Variants in MLXIPL observed in about 807,000 individuals in gnomAD.
MLXIPL encodes carbohydrate-responsive element-binding protein.
In MLXIPL, 49 loss-of-function variants were observed where a neutral mutation model predicts 81.5. The ratio of observed to expected loss-of-function variants is 0.60; its 90% CI spans 0.48 to 0.76. The LOEUF (loss-of-function observed/expected upper bound fraction) is 0.76. MLXIPL is among the 30% of genes least tolerant of loss of function. The probability of loss-of-function intolerance (pLI) is 0.00; values close to 1 mark genes in which losing one functional copy is unlikely to be tolerated. For synonymous variants in MLXIPL, 466 were observed against 485.5 expected, an observed-to-expected ratio of 0.96 and a Z score of 0.53; for missense variants, 1,053 against 1,167.0, an observed-to-expected ratio of 0.90 and a Z score of 1.42.
chr7:73,647,831 G>A, the MLXIPL span, among the ~76,000 whole-genome samples: 4 of 150,916 alleles, frequency 2.7e-5, no homozygotes, highest in African/African-American at 7.3e-5. Flanking sequence ...GGCGGCGGGC[G>A]GCGGGGGCGC....
At chr7:73,606,441 T>G (rs1416573598) in intron 5 of MLXIPL, 14 of 410,830 alleles carry the variant, frequency 3.4e-5, no homozygotes, top group Non-Finnish European at 5.7e-5. Flanking sequence ...TTTTTTTTTT[T>G]TGGAGACGGA....
the MLXIPL span, among the ~76,000 whole-genome samples, chr7:73,647,260 T>C: frequency 2.0e-5 from 3 of 152,136 alleles, no homozygotes; most frequent in African/African-American, 7.2e-5. Context: ...AGAATCCACA[T>C]ACCCCACCCT....
At chr7:73,602,172 C>CCTTCCTT (rs1794919114) in intron 7 of MLXIPL, among the ~76,000 whole-genome samples, 1 of 148,628 alleles carries the variant, frequency 6.7e-6, no homozygotes, top group East Asian at 2.0e-4. Context: ...TCCTTTCTTT[C>CCTTCCTT]CCTCTCTCTC....
At chr7:73,605,566 A>T in intron 7 of MLXIPL, 122 bp downstream of exon 7, 1 of 844,962 alleles carries the variant, frequency 1.2e-6, no homozygotes, top group African/African-American at 1.7e-5. Flanking sequence ...AATAAATAAA[A>T]AGACAGAAAA....
chr7:73,614,972 A>G (rs1367233192), intron 2 of MLXIPL, among the ~76,000 whole-genome samples: 5 of 151,922 alleles, frequency 3.3e-5, no homozygotes, highest in African/African-American at 7.3e-5. Flanking sequence ...CACCACGCCC[A>G]GCTAATTTTT....
At position 73,596,811 on chromosome 7, in the gene MLXIPL, A is replaced by G; in HGVS notation, c.1672-22T>C. 1.9e-6 allele frequency: 3 copies of G among 1,607,998 alleles called. No individual in the cohort carries two copies. The highest frequency in any genetic ancestry group is 3.4e-4 in the Middle Eastern group (2 of 5,956). ...CCTGCTGGGGTGGAGAAGGGCGGAG[A>G]GTCGGGTTGAAGGCCGTGGGCACAG... On this transcript the variant is annotated intron_variant, in intron 10 of 16. Coordinates refer to ENST00000313375, the MANE Select transcript of MLXIPL (RefSeq NM_032951.3). The surrounding 1 kb of genome is among the most constrained non-coding windows in gnomAD (Gnocchi z 4.7).
At chr7:73,615,688 G>T (rs894340977) in intron 2 of MLXIPL, among the ~76,000 whole-genome samples, 2 of 152,130 alleles carry the variant, frequency 1.3e-5, no homozygotes, top group Non-Finnish European at 2.9e-5. Flanking sequence ...GCCAAGGTGG[G>T]CAGATCACTT....
At chr7:73,598,226 G>T (rs1471715780) in intron 8 of MLXIPL, among the ~76,000 whole-genome samples, 1 of 151,756 alleles carries the variant, frequency 6.6e-6, no homozygotes, top group Non-Finnish European at 1.5e-5. Flanking sequence ...CCATCCATCC[G>T]TCTTCCATCC....
chr7:73,599,389 T>C, intron 8 of MLXIPL, 137 bp downstream of exon 8: 2 of 1,106,290 alleles, frequency 1.8e-6, no homozygotes, highest in Non-Finnish European at 2.7e-6. Context: ...AGGGCAGAGA[T>C]GGGGTCTTTC....
chr7:73,624,051 G>A (rs935963279), intron 1 of MLXIPL, 149 bp downstream of exon 1: 1 of 1,108,026 alleles, frequency 9.0e-7, no homozygotes, highest in East Asian at 2.8e-5. Context: ...TGGGAGAAAG[G>A]GGGTGTCCAG....
rs1796588646 is a variant in MLXIPL at position 73,624,380 on chromosome 7, G to C, written c.113C>G (p.Ala38Gly). ...DSEDPSLRRS[A>G]GGLLRSQVIH... ...GACCTGCGAGCGGAGCAAGCCGCCC[G>C]CGCTGCGCCGGAGACTCGGGTCCTC... The change falls in exon 1 of 17, where the codon GCG becomes GGG. Residue 38 changes from alanine to glycine, a missense_variant. This residue lies in a region of MLXIPL where 226 missense variants were observed against 216.2 expected (regional missense o/e 1.05). Transcript: ENST00000313375. The C allele has an allele frequency of 6.4e-7, 1 of 1,570,686 alleles. No individual in the cohort carries two copies. The highest frequency in any genetic ancestry group is 8.6e-7 in the Non-Finnish European group (1 of 1,163,414).
In MLXIPL at chr7:73,622,308, T is replaced by C. The variant is rs549887034; in HGVS notation, c.293+1892A>G. 2.1e-3 allele frequency among the ~76,000 whole-genome samples: 319 copies of C among 151,724 alleles called. 2 individuals are homozygous for C. The highest frequency in any genetic ancestry group is 7.3e-3 in the African/African-American group (302 of 41,378). On this transcript the variant is annotated intron_variant, in intron 1 of 16. Transcript: ENST00000313375. Reference sequence around the variant, plus strand: ...GAGTTTGAGACCAGCCTGGCCAACATGGTGAAATCTCGTCTCTACTAAAAA... The same window carrying C: ...GAGTTTGAGACCAGCCTGGCCAACACGGTGAAATCTCGTCTCTACTAAAAA...
intron 7 of MLXIPL, among the ~76,000 whole-genome samples, chr7:73,604,243 A>AT (rs1795110433): frequency 7.9e-6 from 1 of 125,958 alleles, no homozygotes. Context: ...AAAAAAAAAA[A>AT]GCTTTACAAG....
Position 73,623,121 on chromosome 7 carries a change from A to G in MLXIPL, c.293+1079T>C, listed in dbSNP as rs372537172. On this transcript the variant is annotated intron_variant, in intron 1 of 16. Coordinates refer to ENST00000313375, the MANE Select transcript of MLXIPL (RefSeq NM_032951.3). The surrounding 1 kb of genome is among the most constrained non-coding windows in gnomAD (Gnocchi z 5.7). ...GCCAAGGTTACTCCGCCTCCAGCCA[A>G]TGGGGTCGCAGCTGGGCGGCTGCGG... is the stretch of plus-strand genomic sequence containing the variant. Among the ~76,000 whole-genome samples, 22 of 152,154 alleles carry G rather than the reference A, an allele frequency of 1.4e-4. No individual in the cohort carries two copies. Among genetic ancestry groups the G allele is most frequent in the South Asian group, 8.3e-4 (4 of 4,818 alleles).
At chr7:73,604,702 T>C (rs924897614) in intron 7 of MLXIPL, among the ~76,000 whole-genome samples, 1 of 152,226 alleles carries the variant, frequency 6.6e-6, no homozygotes, top group Admixed American at 6.5e-5. Flanking sequence ...AGGTTTTTGC[T>C]GAGCTACTCT....
the MLXIPL span, among the ~76,000 whole-genome samples, chr7:73,643,663 C>T: frequency 2.0e-5 from 3 of 152,126 alleles, no homozygotes; most frequent in Non-Finnish European, 4.4e-5. Flanking sequence ...AAGGATGACC[C>T]GTCCCTTAGG....
chr7:73,600,112 C>T (rs1554595624), intron 7 of MLXIPL, among the ~76,000 whole-genome samples: 1 of 151,514 alleles, frequency 6.6e-6, no homozygotes, highest in African/African-American at 2.4e-5. Context: ...GGGGAGGAGG[C>T]CTGGCATGGG....
the MLXIPL span, among the ~76,000 whole-genome samples, chr7:73,633,148 T>A: frequency 6.7e-6 from 1 of 149,982 alleles, no homozygotes; most frequent in Non-Finnish European, 1.5e-5. Context: ...TGGCTCGATC[T>A]CGGCTCACTG....
the MLXIPL span, among the ~76,000 whole-genome samples, chr7:73,642,062 G>A: frequency 6.6e-6 from 1 of 152,138 alleles, no homozygotes; most frequent in African/African-American, 2.4e-5. Flanking sequence ...TGATTGACCA[G>A]CTATAAATCA....
Sources: gnomAD v4.1 joint callset for allele counts (sites outside exome capture counted in the v4.1 genomes callset) on GRCh38, gnomAD v4.1.1 for gene constraint, gnomAD v4.1.1 regional missense constraint, Gnocchi (gnomAD v3.1) non-coding constraint, MANE v1.5 for transcripts, NCBI Gene and HGNC (gene_info 2026-07-23, HGNC 2026-07-21) for gene names.